PDE4A: variants seen among roughly 807,000 people sequenced by gnomAD.
PDE4A encodes phosphodiesterase 4A, also known as 3',5'-cyclic-AMP phosphodiesterase 4A.
Under a neutral mutation model 73.9 loss-of-function variants are expected in PDE4A, and 21 were observed. That is an observed-to-expected ratio of 0.28 (90% CI 0.20 to 0.41). The LOEUF (loss-of-function observed/expected upper bound fraction) is 0.41. PDE4A is among the 10% of genes least tolerant of loss of function. The probability of loss-of-function intolerance (pLI) is 1.00; values close to 1 mark genes in which losing one functional copy is unlikely to be tolerated. For missense variants in PDE4A, 958 were observed against 1,211.4 expected (o/e 0.79, Z 3.10); for synonymous variants, 463 against 505.4 (o/e 0.92, Z 1.13).
At chr19:10,457,687 C>G in intron 7 of PDE4A, 192 bp from the exon 8 acceptor site, 1 of 663,910 alleles carries the variant, frequency 1.5e-6, no homozygotes, top group Non-Finnish European at 1.9e-6. Flanking sequence ...CCCACTCCAG[C>G]CCACCACCTC....
chr19:10,419,058 T>A, upstream of PDE4A: 17 of 388,972 alleles, frequency 4.4e-5, no homozygotes, highest in Non-Finnish European at 5.2e-5. Flanking sequence ...CCGGCAGTCT[T>A]TTTTTTTTTT....
intron 1 of PDE4A, chr19:10,432,635 G>A: frequency 6.9e-7 from 1 of 1,446,550 alleles, no homozygotes; most frequent in Non-Finnish European, 9.2e-7. Context: ...TGTGCTGGGG[G>A]GGTGGGGGTG....
At chr19:10,444,439 G>A (rs1053863504) in intron 1 of PDE4A, among the ~76,000 whole-genome samples, 5 of 151,770 alleles carry the variant, frequency 3.3e-5, no homozygotes, top group Non-Finnish European at 5.9e-5. Context: ...CGGAGGTTGC[G>A]GTGAGCTGAG....
rs368190548 is a variant in PDE4A, at chr19:10,446,308, G to A, written c.411G>A (p.Ala137=). 6.8e-6 allele frequency: 11 copies of A among 1,612,750 alleles called. No homozygotes were observed. Among genetic ancestry groups the A allele is most frequent in the African/African-American group, 2.7e-5 (2 of 74,896 alleles). Residue 137 remains alanine, a synonymous_variant, in exon 2 of 15, where the codon GCG becomes GCA. Transcript: ENST00000380702. ...CAGGACTCGTGCTGCACGCCGGGGC[G>A]GCCACCAGCCAGCGCCGGGAGTCCT... ...ASPGLVLHAG[A]ATSQRRESFL...
At chr19:10,457,787 C>T in intron 7 of PDE4A, 92 bp from the exon 8 acceptor site, 3 of 1,549,070 alleles carry the variant, frequency 1.9e-6, no homozygotes, top group Admixed American at 1.9e-5. Context: ...TCGGGTGAGC[C>T]TTCCCCGTAC....
At chr19:10,431,630 G>A (rs1568367065) in intron 1 of PDE4A, among the ~76,000 whole-genome samples, 3 of 152,212 alleles carry the variant, frequency 2.0e-5, no homozygotes, top group Admixed American at 6.5e-5. Context: ...TTGGCAGCCC[G>A]GAGTTGGGCA....
intron 10 of PDE4A, 46 bp downstream of exon 10, chr19:10,459,805 C>T: frequency 1.3e-6 from 2 of 1,559,776 alleles, no homozygotes; most frequent in Non-Finnish European, 1.7e-6. Flanking sequence ...CTCTTTGTGA[C>T]TGCCTCTTCA....
chr19:10,420,710 G>C lies in PDE4A; in HGVS notation c.-55G>C. On this transcript the variant is annotated 5_prime_UTR_variant, in exon 1 of 15. Coordinates refer to ENST00000380702, the MANE Select transcript of PDE4A (RefSeq NM_001111307.2). The surrounding 1 kb of genome is among the most constrained non-coding windows in gnomAD (Gnocchi z 6.0). ...CTCGCTGGCTTGCGCGCAGCTGAGC[G>C]GGGTGTAGGTTGGAAGGGCCAGGGC... 1 of 1,419,320 alleles carries C rather than the reference G, an allele frequency of 7.0e-7. No individual in the cohort carries two copies. Among genetic ancestry groups the C allele is most frequent in the Non-Finnish European group, 9.1e-7 (1 of 1,098,702 alleles). 87.9% of individuals were successfully genotyped at this position (1,419,320 alleles called of 1,614,324 possible). A position where few individuals can be genotyped will look rare whatever the true frequency, so the allele number is the denominator to read the frequency against.
chr19:10,465,210 T>G (rs1345562127), intron 14 of PDE4A, among the ~76,000 whole-genome samples: 1 of 151,468 alleles, frequency 6.6e-6, no homozygotes, highest in Non-Finnish European at 1.5e-5. Context: ...ATGCCAGAAG[T>G]ATCCCCCTCC....
At chr19:10,456,267 C>T (rs1035894276) in intron 7 of PDE4A, among the ~76,000 whole-genome samples, 2 of 152,094 alleles carry the variant, frequency 1.3e-5, no homozygotes, top group South Asian at 2.1e-4. Context: ...GTGGCTCACG[C>T]CTGTAATCCC....
chr19:10,421,116 C>T (rs1300025002), intron 1 of PDE4A, 32 bp downstream of exon 1: 2 of 1,350,590 alleles, frequency 1.5e-6, no homozygotes, highest in Non-Finnish European at 9.5e-7. Flanking sequence ...GCGCGCGGAA[C>T]GGATGGGCGC....
chr19:10,422,390 A>G (rs1455144186), intron 1 of PDE4A, among the ~76,000 whole-genome samples: 1 of 152,108 alleles, frequency 6.6e-6, no homozygotes, highest in African/African-American at 2.4e-5. Flanking sequence ...GTGTATCCTA[A>G]GAACTGGTGT....
intron 14 of PDE4A, among the ~76,000 whole-genome samples, chr19:10,464,768 A>G (rs2043335609): frequency 6.6e-6 from 1 of 150,800 alleles, no homozygotes; most frequent in Non-Finnish European, 1.5e-5. Flanking sequence ...CCCAGGCTGG[A>G]GTGCAGGGGC....
chr19:10,466,742 C>T, intron 14 of PDE4A, 145 bp from the exon 15 acceptor site: 23 of 1,285,080 alleles, frequency 1.8e-5, no homozygotes, highest in Non-Finnish European at 2.4e-5. Context: ...GATCCGACTG[C>T]CTCAGCCTCC....
chr19:10,431,065 GC>G, intron 1 of PDE4A: 1 of 1,568,558 alleles, frequency 6.4e-7, no homozygotes, highest in Non-Finnish European at 8.6e-7. Flanking sequence ...GATTTGGGCC[GC>G]CAGGCTTGGG....
intron 12 of PDE4A, 56 bp downstream of exon 12, chr19:10,461,736 T>C: frequency 1.2e-6 from 2 of 1,602,360 alleles, no homozygotes; most frequent in South Asian, 1.1e-5. Context: ...GTCGAGGGCT[T>C]TGGGGAGGAG....
At chr19:10,464,683 G>A (rs2043333872) in intron 14 of PDE4A, among the ~76,000 whole-genome samples, 1 of 150,976 alleles carries the variant, frequency 6.6e-6, no homozygotes, top group Non-Finnish European at 1.5e-5. Context: ...CTGGGATATG[G>A]GGTGAGTCAC....
At chr19:10,421,375 T>C (rs1274904967) in intron 1 of PDE4A, 22 of 979,176 alleles carry the variant, frequency 2.2e-5, no homozygotes, top group Non-Finnish European at 2.7e-5. Flanking sequence ...GTCTGTATTC[T>C]TGGTGACAGT....
upstream of PDE4A, chr19:10,416,862 T>C (rs2145431928): frequency 1.3e-6 from 2 of 1,533,884 alleles, no homozygotes; most frequent in East Asian, 2.4e-5. Flanking sequence ...TGATGGCAGA[T>C]GCGTTTGGCT....
Sources: gnomAD v4.1 joint callset for allele counts (sites outside exome capture counted in the v4.1 genomes callset) on GRCh38, gnomAD v4.1.1 for gene constraint, Gnocchi (gnomAD v3.1) non-coding constraint, MANE v1.5 for transcripts, NCBI Gene and HGNC (gene_info 2026-07-23, HGNC 2026-07-21) for gene names.